Variants in NMT1 observed in about 807,000 individuals in gnomAD.
NMT1 encodes N-myristoyltransferase 1, also known as glycylpeptide N-tetradecanoyltransferase 1.
NMT1 carries 12 observed loss-of-function variants against 63.4 expected under a neutral mutation model. The ratio of observed to expected loss-of-function variants is 0.19; its 90% confidence interval spans 0.12 to 0.31. NMT1 has a LOEUF of 0.31. Among genes scored for constraint, NMT1 ranks in the 10% least tolerant of loss-of-function variants. The pLI is 1.00. For synonymous variants in NMT1, 228 were observed against 234.3 expected, an observed-to-expected ratio of 0.97 and a Z score of 0.25; for missense variants, 432 against 634.6, an observed-to-expected ratio of 0.68 and a Z score of 3.43.
rs1598017836 is a variant in NMT1 at position 45,098,388 on chromosome 17, G to A, written c.720G>A (p.Lys240=). ...PANIHIYDTE[K]KMVEINFLCV... is the part of the protein sequence containing the mutation. ...GGATTTTTCCCCCTCTTAGAGAGAA[G>A]AAGATGGTAGAGATCAACTTCCTGT... Residue 240 remains lysine (K), a synonymous_variant, in exon 7 of 12, where the codon AAG becomes AAA. Coordinates refer to ENST00000258960, the MANE Select transcript of NMT1 (RefSeq NM_021079.5). 9 of 1,613,832 alleles carry A rather than the reference G, an allele frequency of 5.6e-6. No individual in the cohort carries two copies. In the East Asian group the frequency reaches 1.6e-4, roughly 28 times the overall value.
intron 3 of NMT1, among the ~76,000 whole-genome samples, chr17:45,091,187 GACACACACACACACACACACACACACAC>G (rs3062356): frequency 8.3e-5 from 10 of 120,982 alleles, no homozygotes; most frequent in African/African-American, 2.7e-4. Context: ...GGTCTTTCCT[GACACACACACACACACACACACACACAC>G]ACACACACAC....
At chr17:45,099,640 A>G in intron 8 of NMT1, 127 bp downstream of exon 8, 1 of 664,320 alleles carries the variant, frequency 1.5e-6, no homozygotes, top group Non-Finnish European at 2.7e-6. Context: ...ACCAGCCCAT[A>G]GTCTTCAGAT....
rs1344557033 is a variant in NMT1 at position 45,103,124 on chromosome 17, G to T, written c.1164+3G>T. The T allele has an allele frequency of 6.2e-7, 1 of 1,604,160 alleles. No individual in the cohort carries two copies. The highest frequency in any genetic ancestry group is 1.1e-5 in the South Asian group (1 of 90,752). ...TCATCGACACTTTCGTGGTGGAGGT[G>T]AGTCAGGGAGTGGTGTTCCAGGTCT... On this transcript the variant is annotated splice_donor_region_variant and intron_variant, in intron 9 of 11. Coordinates refer to ENST00000258960, the MANE Select transcript of NMT1 (RefSeq NM_021079.5). This position sits in a 1 kb window ranked among gnomAD's most constrained non-coding sequence, Gnocchi z 4.8.
Position 45,105,515 on chromosome 17 carries a change from G to A in NMT1, c.1471-104G>A, listed in dbSNP as rs536689888. ...GTGAGTCTGCTCCCACAGCACAGGC[G>A]GTGGACCCGGGCCCAGCCACTCGGA... On this transcript the variant is annotated intron_variant, in intron 11 of 11. Coordinates refer to ENST00000258960, the MANE Select transcript of NMT1 (RefSeq NM_021079.5). The surrounding 1 kb of genome is among the most constrained non-coding windows in gnomAD (Gnocchi z 4.2). 405 of 1,254,118 alleles carry A rather than the reference G, an allele frequency of 3.2e-4. 5 individuals carry two copies. The African/African-American group carries it at 4.0e-3, about 13-fold the overall frequency. 77.7% of individuals were successfully genotyped at this position (1,254,118 alleles called of 1,614,324 possible).
At chr17:45,072,098 A>G (rs2053943752) in intron 1 of NMT1, among the ~76,000 whole-genome samples, 1 of 152,026 alleles carries the variant, frequency 6.6e-6, no homozygotes, top group Non-Finnish European at 1.5e-5. Context: ...CAAAACATAT[A>G]AAAATTAGCC....
intron 3 of NMT1, among the ~76,000 whole-genome samples, chr17:45,086,928 G>A (rs1264151425): frequency 2.0e-5 from 3 of 152,000 alleles, no homozygotes; most frequent in East Asian, 1.9e-4. Context: ...GGAGGCCGAG[G>A]TGGGAGGATT....
chr17:45,090,228 G>A (rs2054079411), intron 3 of NMT1, among the ~76,000 whole-genome samples: 1 of 152,128 alleles, frequency 6.6e-6, no homozygotes, highest in Admixed American at 6.5e-5. Context: ...AGGCTGTAGT[G>A]AGCCATGATC....
intron 5 of NMT1, among the ~76,000 whole-genome samples, chr17:45,096,632 G>GTAT (rs1567870450): frequency 6.6e-6 from 1 of 152,220 alleles, no homozygotes; most frequent in African/African-American, 2.4e-5. Context: ...ATGCTCAGTT[G>GTAT]TATAGCCTTG....
rs1051303465 is a variant in NMT1 at position 45,107,313 on chromosome 17, A to C, written c.*1674A>C. The C allele has an allele frequency of 2.6e-5, 4 of 152,606 alleles. No homozygotes were observed. Among genetic ancestry groups the C allele is most frequent in the African/African-American group, 9.6e-5 (4 of 41,470 alleles). The allele number at this position is 152,606 out of a possible 1,614,324, so 9.5% of individuals were successfully genotyped here. ...CCCGTGGGAATGCTGCCCGCTCTGC[A>C]GACTGCTGCTAGAGCCAGCAACTCC... On this transcript the variant is annotated 3_prime_UTR_variant, in exon 12 of 12. Coordinates refer to ENST00000258960, the MANE Select transcript of NMT1 (RefSeq NM_021079.5).
At chr17:45,061,727 GA>G in intron 1 of NMT1, 1 of 361,662 alleles carries the variant, frequency 2.8e-6, no homozygotes, top group Non-Finnish European at 5.1e-6. Context: ...CCATTCCTGG[GA>G]AAAGAGCATG....
chr17:45,062,079 C>T (rs1237995687), intron 1 of NMT1, among the ~76,000 whole-genome samples: 1 of 152,154 alleles, frequency 6.6e-6, no homozygotes, highest in Non-Finnish European at 1.5e-5. Context: ...ATTAAGTCTT[C>T]GAACATCTTT....
chr17:45,084,526 G>T (rs1290335379), intron 2 of NMT1, among the ~76,000 whole-genome samples: 1 of 151,940 alleles, frequency 6.6e-6, no homozygotes, highest in Non-Finnish European at 1.5e-5. Context: ...GTAGGGACGG[G>T]GTTTCACTGT....
In NMT1 at chr17:45,081,667, C is replaced by A; in HGVS notation, c.155C>A (p.Thr52Asn). Residue 52 changes from threonine (T) to asparagine (N), a missense_variant, in exon 2 of 12, where the codon ACT becomes AAT. This residue lies in a region of NMT1 where 121 missense variants were observed against 103.7 expected (regional missense o/e 1.17). Coordinates refer to ENST00000258960, the MANE Select transcript of NMT1 (RefSeq NM_021079.5). ...NRGGLSPAND[T>N]GAKKKKKKQK... ...AGTGGTTTGAGTCCAGCCAATGACACTGGAGCCAAAAAGAAGAAAAAGAAA... is the reference window on the plus strand; with the variant it reads ...AGTGGTTTGAGTCCAGCCAATGACAATGGAGCCAAAAAGAAGAAAAAGAAA... 1 of 1,613,622 alleles carries A rather than the reference C, an allele frequency of 6.2e-7. No individual in the cohort carries two copies. The highest frequency in any genetic ancestry group is 8.5e-7 in the Non-Finnish European group (1 of 1,179,868).
intron 5 of NMT1, among the ~76,000 whole-genome samples, chr17:45,096,749 C>G (rs1167027182): frequency 1.3e-5 from 2 of 152,158 alleles, no homozygotes; most frequent in Non-Finnish European, 2.9e-5. Flanking sequence ...GAATTTGTAC[C>G]AGAAAGAGGG....
At chr17:45,079,270 A>C (rs751786800) in intron 1 of NMT1, among the ~76,000 whole-genome samples, 35 of 151,592 alleles carry the variant, frequency 2.3e-4, no homozygotes, top group Non-Finnish European at 4.4e-5. Flanking sequence ...ACGCCTGGCT[A>C]ATTTTGTATT....
chr17:45,095,697 A>G lies in NMT1; in HGVS notation c.505-497A>G, dbSNP rs905736343. On this transcript the variant is annotated intron_variant, in intron 4 of 11. Transcript: ENST00000258960. Reference sequence around the variant, plus strand: ...TGAAGTAGGAGGATCGCTTGAAACCAGGAGTTGGAGGCTGCAGTGAGCCAT... The same window carrying G: ...TGAAGTAGGAGGATCGCTTGAAACCGGGAGTTGGAGGCTGCAGTGAGCCAT... 2.6e-5 allele frequency among the ~76,000 whole-genome samples: 4 copies of G among 152,274 alleles called. No homozygotes were observed. The South Asian group carries it at 8.3e-4, about 32-fold the overall frequency.
intron 1 of NMT1, among the ~76,000 whole-genome samples, chr17:45,068,723 T>C (rs1413746825): frequency 6.6e-6 from 1 of 152,028 alleles, no homozygotes; most frequent in East Asian, 1.9e-4. Context: ...CTTAGCTCAC[T>C]ACAACCTCTG....
chr17:45,072,386 A>G (rs2053946784), intron 1 of NMT1, among the ~76,000 whole-genome samples: 1 of 150,842 alleles, frequency 6.6e-6, no homozygotes, highest in Admixed American at 6.6e-5. Flanking sequence ...CAGCCTCCCA[A>G]GTAGCTGGGA....
rs1395958436 is a variant in NMT1, at chr17:45,088,035, G to T, written c.385+1383G>T. Among the ~76,000 whole-genome samples the T allele has an allele frequency of 3.3e-5, 5 of 152,352 alleles. No homozygotes were observed. The East Asian group carries it at 9.6e-4, about 29-fold the overall frequency. ...AAAGTTTGAGAAGCTCTGCTCTAGA[G>T]CGGATGCAGTTCTTAGAAGCTTGGT... On this transcript the variant is annotated intron_variant, in intron 3 of 11. Transcript: ENST00000258960.
Sources: allele counts gnomAD v4.1 joint callset (sites outside exome capture counted in the v4.1 genomes callset), GRCh38; gene constraint gnomAD v4.1.1; regional missense constraint gnomAD v4.1.1; non-coding constraint Gnocchi (gnomAD v3.1); transcripts MANE v1.5; gene names NCBI Gene and HGNC (gene_info 2026-07-23, HGNC 2026-07-21).